MYO3B: variants seen among roughly 807,000 people sequenced by gnomAD.
The protein encoded by MYO3B is myosin-IIIb.
Under a neutral mutation model 174.6 loss-of-function variants are expected in MYO3B, and 156 were observed. The ratio of observed to expected loss-of-function variants is 0.89; its 90% CI spans 0.78 to 1.02. The LOEUF (loss-of-function observed/expected upper bound fraction) is 1.02, where lower values mean the gene tolerates loss of function less well. MYO3B is among the 50% of genes least tolerant of loss of function. The pLI, the probability that MYO3B is intolerant of heterozygous loss-of-function variation, is 0.00. For missense variants in MYO3B, 1,632 were observed against 1,639.4 expected (o/e 1.00, Z 0.08); for synonymous variants, 563 against 569.1 (o/e 0.99, Z 0.15).
rs768504314 is a variant in MYO3B, at chr2:170,382,062, G to GA, written c.1023dup (p.Tyr342IlefsTer4). ...AAGACCTTATCATGTGGAAGATGCT[G>GA]AAAAATACTGCCTTGAGGATGATTT... On this transcript the variant is annotated frameshift_variant, in exon 10 of 35. Coordinates refer to ENST00000408978, the MANE Select transcript of MYO3B (RefSeq NM_138995.5). LOFTEE classifies it high-confidence loss of function. 1.9e-6 allele frequency: 3 copies of GA among 1,613,566 alleles called. No individual in the cohort carries two copies. Among genetic ancestry groups the GA allele is most frequent in the Admixed American group, 1.7e-5 (1 of 59,992 alleles).
Position 170,499,666 on chromosome 2 carries a change from T to A in MYO3B, c.3147T>A (p.His1049Gln). 6.2e-7 allele frequency: 1 copy of A among 1,614,158 alleles called. No individual in the cohort carries two copies. Among genetic ancestry groups the A allele is most frequent in the South Asian group, 1.1e-5 (1 of 91,084 alleles). ...TTCAGGTTTTTCTCAAATATTACCA[T>A]GTTGAGCAATTAAATTTGCTGCTTC... ...GKTKVFLKYY[H>Q]VEQLNLLLRE... Residue 1049 changes from histidine (H) to glutamine (Q), a missense_variant, in exon 27 of 35, where the codon CAT (histidine) becomes CAA (glutamine). Transcript: ENST00000408978.
At chr2:170,486,792 C>T (rs1686093167) in intron 25 of MYO3B, among the ~76,000 whole-genome samples, 1 of 152,158 alleles carries the variant, frequency 6.6e-6, no homozygotes, top group Non-Finnish European at 1.5e-5. Flanking sequence ...TAGCCCATTC[C>T]CTGTGTCGAG....
At chr2:170,617,040 T>C (rs1695509783) in intron 32 of MYO3B, among the ~76,000 whole-genome samples, 1 of 152,334 alleles carries the variant, frequency 6.6e-6, no homozygotes, top group Admixed American at 6.5e-5. Context: ...ATCATTAATT[T>C]GATTAGCCAA....
intron 30 of MYO3B, among the ~76,000 whole-genome samples, chr2:170,529,397 C>T (rs1689198976): frequency 1.3e-5 from 2 of 151,946 alleles, no homozygotes; most frequent in African/African-American, 2.4e-5. Flanking sequence ...CCTTAGACCT[C>T]TCCTTTCCTT....
Position 170,367,621 on chromosome 2 carries a change from G to T in MYO3B, c.816-1601G>T, listed in dbSNP as rs531004470. On this transcript the variant is annotated intron_variant, in intron 8 of 34. Transcript: ENST00000408978. ...TACTGACAGTATAACTACCTCTTGG[G>T]TTCCCTCTTTTTTCAGGAAACATGG... Among the ~76,000 whole-genome samples the T allele has an allele frequency of 4.8e-4, 73 of 152,182 alleles. 1 individual carries two copies. The highest frequency in any genetic ancestry group is 9.9e-4 in the Non-Finnish European group (67 of 68,004).
intron 26 of MYO3B, 86 bp downstream of exon 26, chr2:170,498,789 G>A: frequency 4.7e-6 from 4 of 849,756 alleles, no homozygotes; most frequent in Admixed American, 2.1e-5. Flanking sequence ...GGCTCTGTAA[G>A]TTGTGTAGCT....
intron 7 of MYO3B, chr2:170,334,094 A>T (rs890155635): frequency 2.6e-5 from 4 of 152,324 alleles, no homozygotes; most frequent in African/African-American, 4.8e-5. Flanking sequence ...TCTGATGTCC[A>T]CAATGGCTGC....
At chr2:170,616,074 T>C (rs1355845583) in intron 32 of MYO3B, among the ~76,000 whole-genome samples, 1 of 152,216 alleles carries the variant, frequency 6.6e-6, no homozygotes, top group Non-Finnish European at 1.5e-5. Flanking sequence ...AACCTATGAT[T>C]AGCAAGATAT....
intron 8 of MYO3B, among the ~76,000 whole-genome samples, chr2:170,357,470 C>T (rs2094131341): frequency 6.6e-6 from 1 of 151,012 alleles, no homozygotes; most frequent in South Asian, 2.1e-4. Flanking sequence ...CATTTGTGGA[C>T]ACCGCTAACA....
chr2:170,565,937 G>T (rs1016020241), intron 32 of MYO3B, among the ~76,000 whole-genome samples: 7 of 152,108 alleles, frequency 4.6e-5, no homozygotes, highest in African/African-American at 1.4e-4. Context: ...GAGAGAGGAG[G>T]GTGTAGCTTG....
intron 7 of MYO3B, among the ~76,000 whole-genome samples, chr2:170,318,331 A>G: frequency 6.6e-6 from 1 of 152,222 alleles, no homozygotes; most frequent in East Asian, 1.9e-4. Flanking sequence ...TTAATGGTTA[A>G]CTAGAGATTC....
At chr2:170,245,316 C>T (rs1188541714) in intron 7 of MYO3B, among the ~76,000 whole-genome samples, 1 of 152,088 alleles carries the variant, frequency 6.6e-6, no homozygotes, top group African/African-American at 2.4e-5. Flanking sequence ...AGTTTAATAG[C>T]CCACGGTGAA....
chr2:170,435,447 G>A (rs146051973), intron 22 of MYO3B, among the ~76,000 whole-genome samples: 1 of 152,266 alleles, frequency 6.6e-6, no homozygotes, highest in East Asian at 1.9e-4. Context: ...CTAACCATTT[G>A]CCTGGGCTTG....
At chr2:170,479,455 A>G (rs1444948695) in intron 25 of MYO3B, among the ~76,000 whole-genome samples, 1 of 145,954 alleles carries the variant, frequency 6.9e-6, no homozygotes, top group East Asian at 1.9e-4. Flanking sequence ...TATAGATTTT[A>G]TATATATACA....
chr2:170,555,294 T>C (rs1253597158), intron 32 of MYO3B, among the ~76,000 whole-genome samples: 1 of 152,150 alleles, frequency 6.6e-6, no homozygotes, highest in Non-Finnish European at 1.5e-5. Flanking sequence ...ATTATTACAT[T>C]AGAGTTCACT....
chr2:170,410,458 G>T (rs1207386432), intron 22 of MYO3B, among the ~76,000 whole-genome samples: 4 of 151,962 alleles, frequency 2.6e-5, no homozygotes, highest in African/African-American at 4.8e-5. Context: ...GCGGGCACCT[G>T]TAATCCCAGC....
At chr2:170,479,161 G>A (rs1486997914) in intron 25 of MYO3B, among the ~76,000 whole-genome samples, 1 of 150,292 alleles carries the variant, frequency 6.7e-6, no homozygotes, top group Admixed American at 6.6e-5. Context: ...GCACATGCCT[G>A]TAATCTCAGC....
intron 5 of MYO3B, among the ~76,000 whole-genome samples, chr2:170,215,561 G>GT (rs1461629225): frequency 6.6e-6 from 1 of 151,778 alleles, no homozygotes; most frequent in Non-Finnish European, 1.5e-5. Flanking sequence ...CTTTAAACGT[G>GT]TTTTTTTAAA....
chr2:170,255,643 C>T (rs2093298427), intron 7 of MYO3B, among the ~76,000 whole-genome samples: 1 of 151,998 alleles, frequency 6.6e-6, no homozygotes, highest in Admixed American at 6.6e-5. Flanking sequence ...AAAAAAAAAC[C>T]CAGAACCCCA....
Sources: allele counts gnomAD v4.1 joint callset (sites outside exome capture counted in the v4.1 genomes callset), GRCh38; gene constraint gnomAD v4.1.1; transcripts MANE v1.5; gene names NCBI Gene and HGNC (gene_info 2026-07-23, HGNC 2026-07-21).